Variants in PCDH9 observed in about 807,000 individuals in gnomAD.
The protein encoded by PCDH9 is protocadherin-9.
Under a neutral mutation model 70.6 loss-of-function variants are expected in PCDH9, and 24 were observed. That is an observed-to-expected ratio of 0.34 (90% CI 0.25 to 0.48). The LOEUF (loss-of-function observed/expected upper bound fraction) is 0.48. Among genes scored for constraint, PCDH9 ranks in the 20% least tolerant of loss-of-function variants. The pLI is 0.99. For missense variants in PCDH9, 1,281 were observed against 1,503.6 expected, an observed-to-expected ratio of 0.85 and a Z score of 2.45; for synonymous variants, 562 against 558.5, an observed-to-expected ratio of 1.01 and a Z score of -0.09.
In PCDH9 at chr13:67,226,322, T is replaced by C; in HGVS notation, c.2119A>G (p.Thr707Ala). The C allele has an allele frequency of 6.2e-7, 1 of 1,614,174 alleles. No homozygotes were observed. Among genetic ancestry groups the C allele is most frequent in the Non-Finnish European group, 8.5e-7 (1 of 1,180,004 alleles). ...VAEVFAVDVD[T>A]GMNAELKYTI... ...TACTTTAGTTCAGCGTTCATTCCAG[T>C]GTCAACATCCACTGCAAAAACTTCT... Residue 707 changes from threonine (T) to alanine (A), a missense_variant, in exon 2 of 5, where the codon ACT becomes GCT. Transcript: ENST00000377865. The surrounding 1 kb of genome is among the most constrained non-coding windows in gnomAD (Gnocchi z 5.0).
chr13:66,403,443 G>A (rs1313195639), intron 4 of PCDH9, among the ~76,000 whole-genome samples: 3 of 151,994 alleles, frequency 2.0e-5, no homozygotes, highest in South Asian at 2.1e-4. Context: ...CATTGAGTAT[G>A]AGAAATAAGT....
At chr13:66,659,435 T>G (rs1264562484) in intron 3 of PCDH9, among the ~76,000 whole-genome samples, 1 of 152,114 alleles carries the variant, frequency 6.6e-6, no homozygotes, top group East Asian at 1.9e-4. Flanking sequence ...GGACCAGTGC[T>G]CCAAGTCAGA....
In PCDH9 at chr13:66,465,059, T is replaced by C. The variant is rs190595563; in HGVS notation, c.3341-160031A>G. Among the ~76,000 whole-genome samples, 217 of 151,956 alleles carry C rather than the reference T, an allele frequency of 1.4e-3. 3 individuals carry two copies. Among genetic ancestry groups the C allele is most frequent in the East Asian group, 7.0e-3 (36 of 5,146 alleles). On this transcript the variant is annotated intron_variant, in intron 4 of 4. Coordinates refer to ENST00000377865, the MANE Select transcript of PCDH9 (RefSeq NM_203487.3). ...ATATTAGCCTTTCTTGAACATCTGG[T>C]GAAAAGTGAAGTTTCAGCAGTAGCA...
intron 4 of PCDH9, among the ~76,000 whole-genome samples, chr13:66,337,243 A>G (rs1233268764): frequency 6.6e-6 from 1 of 152,124 alleles, no homozygotes; most frequent in African/African-American, 2.4e-5. Flanking sequence ...CTCAATAATA[A>G]TTATAAAACT....
intron 4 of PCDH9, among the ~76,000 whole-genome samples, chr13:66,460,003 G>C (rs1488339771): frequency 6.6e-6 from 1 of 151,722 alleles, no homozygotes; most frequent in African/African-American, 2.4e-5. Flanking sequence ...AAGAATGAGG[G>C]GCAAAAACAA....
chr13:67,049,751 A>G (rs1249145760), intron 2 of PCDH9, among the ~76,000 whole-genome samples: 3 of 152,206 alleles, frequency 2.0e-5, no homozygotes, highest in Non-Finnish European at 1.5e-5. Context: ...AAACTCTTGT[A>G]CCTCAGCAGT....
At chr13:66,627,495 T>G (rs1352455176) in intron 4 of PCDH9, among the ~76,000 whole-genome samples, 1 of 152,210 alleles carries the variant, frequency 6.6e-6, no homozygotes, top group Non-Finnish European at 1.5e-5. Context: ...TAGGCCATTC[T>G]AATTAATTCT....
At chr13:66,427,942 T>G (rs2138367233) in intron 4 of PCDH9, among the ~76,000 whole-genome samples, 1 of 151,838 alleles carries the variant, frequency 6.6e-6, no homozygotes, top group African/African-American at 2.4e-5. Context: ...CAGTAAGCAA[T>G]ACAACAAGAT....
At chr13:66,916,477 A>G (rs879423051) in intron 2 of PCDH9, among the ~76,000 whole-genome samples, 2 of 151,572 alleles carry the variant, frequency 1.3e-5, no homozygotes, top group Non-Finnish European at 3.0e-5. Context: ...AAGTCAAAAT[A>G]TCTCTTCAGA....
intron 4 of PCDH9, among the ~76,000 whole-genome samples, chr13:66,342,808 T>G (rs1956153304): frequency 6.6e-6 from 1 of 150,860 alleles, no homozygotes. Context: ...ATTTATTTAT[T>G]TATTTATTTA....
chr13:66,743,952 C>A (rs2139208358), intron 3 of PCDH9, among the ~76,000 whole-genome samples: 1 of 152,148 alleles, frequency 6.6e-6, no homozygotes, highest in African/African-American at 2.4e-5. Flanking sequence ...GACATGTCTA[C>A]ACACACCCAC....
At chr13:67,003,612 C>T (rs2084289019) in intron 2 of PCDH9, among the ~76,000 whole-genome samples, 1 of 152,102 alleles carries the variant, frequency 6.6e-6, no homozygotes, top group South Asian at 2.1e-4. Flanking sequence ...TACCTGGAAA[C>T]ATCACATCCA....
chr13:67,222,793 T>C (rs2089759298), intron 2 of PCDH9: 1 of 152,144 alleles, frequency 6.6e-6, no homozygotes, highest in Non-Finnish European at 1.5e-5. Flanking sequence ...AAGCCACTAG[T>C]TAAAAAAGTT....
rs147500279 is a variant in PCDH9 at position 66,352,261 on chromosome 13, CTCTTTTGTTCCCTTCA to C, written c.3341-47249_3341-47234del. 4.9e-3 allele frequency among the ~76,000 whole-genome samples: 753 copies of C among 152,302 alleles called. 18 individuals are homozygous for C. In the East Asian group the frequency reaches 0.073, roughly 15 times the overall value. On this transcript the variant is annotated intron_variant, in intron 4 of 4. Transcript: ENST00000377865. Reference sequence around the variant, plus strand: ...TAATAAACATTCCAACCAAAGATACCTCTTTTGTTCCCTTCATCTAATTCAGAGGGTTTTTTGACAT... The same window carrying C: ...TAATAAACATTCCAACCAAAGATACCTCTAATTCAGAGGGTTTTTTGACAT...
intron 2 of PCDH9, among the ~76,000 whole-genome samples, chr13:67,059,161 A>G (rs919849785): frequency 1.8e-4 from 28 of 151,918 alleles, no homozygotes; most frequent in African/African-American, 6.8e-4. Context: ...ACATTTGCAC[A>G]GTTGTTCACA....
At chr13:67,183,786 C>T (rs962814196) in intron 2 of PCDH9, among the ~76,000 whole-genome samples, 1 of 151,954 alleles carries the variant, frequency 6.6e-6, no homozygotes, top group African/African-American at 2.4e-5. Context: ...CTGTTTACGA[C>T]TGAGGTTGCA....
At chr13:67,020,889 A>G (rs541049863) in intron 2 of PCDH9, among the ~76,000 whole-genome samples, 2 of 152,338 alleles carry the variant, frequency 1.3e-5, no homozygotes, top group South Asian at 4.1e-4. Flanking sequence ...AAATCTGAAT[A>G]TATGAGATTT....
At chr13:66,546,963 T>C (rs375613975) in intron 4 of PCDH9, among the ~76,000 whole-genome samples, 5 of 152,224 alleles carry the variant, frequency 3.3e-5, no homozygotes, top group African/African-American at 1.2e-4. Context: ...TAGGTGTCTG[T>C]AACCTAGACC....
At chr13:67,085,335 C>T (rs1555305476) in intron 2 of PCDH9, among the ~76,000 whole-genome samples, 1 of 149,016 alleles carries the variant, frequency 6.7e-6, no homozygotes, top group African/African-American at 2.5e-5. Flanking sequence ...ATTATCAAAA[C>T]ATAACAAAAA....
Sources: allele counts gnomAD v4.1 joint callset (sites outside exome capture counted in the v4.1 genomes callset), GRCh38; gene constraint gnomAD v4.1.1; non-coding constraint Gnocchi (gnomAD v3.1); transcripts MANE v1.5; gene names NCBI Gene and HGNC (gene_info 2026-07-23, HGNC 2026-07-21).